The following GSE1 variants were observed in gnomAD, a reference collection of about 807,000 sequenced individuals.
The protein encoded by GSE1 is Gse1 coiled-coil protein.
A neutral mutation model predicts 112.6 loss-of-function variants in GSE1; 32 were observed. The observed-to-expected ratio is 0.28, with a 90% CI of 0.21 to 0.38. GSE1 has a LOEUF of 0.38. Among genes scored for constraint, GSE1 ranks in the 10% least tolerant of loss-of-function variants. The pLI is 1.00. For missense variants in GSE1, 2,348 were observed against 1,699.2 expected (o/e 1.38, Z -6.71); for synonymous variants, 1,115 against 735.6 (o/e 1.52, Z -8.35).
intron 12 of GSE1, among the ~76,000 whole-genome samples, chr16:85,665,681 T>G (rs1475915200): frequency 6.6e-6 from 1 of 152,236 alleles, no homozygotes; most frequent in East Asian, 1.9e-4. Context: ...CACACTCTCT[T>G]GTCCGGTTGG....
At chr16:85,285,682 C>CA (rs36070534) in intron 1 of GSE1, 4,221 of 69,436 alleles carry the variant, frequency 0.061, 89 homozygotes, top group Middle Eastern at 0.088. Flanking sequence ...AACTCTGTCT[C>CA]AAAAAAAAAA....
intron 13 of GSE1, 90 bp from the exon 14 acceptor site, chr16:85,668,050 T>C (rs2053022022): frequency 3.0e-6 from 3 of 998,064 alleles, no homozygotes; most frequent in South Asian, 1.6e-5. Context: ...ATGTTGACTC[T>C]GCACCAAGGG....
chr16:85,169,965 C>T (rs1323747816), exon 1 of GSE1: 6 of 984,490 alleles, frequency 6.1e-6, no homozygotes, highest in Middle Eastern at 5.2e-4. Context: ...TGGGCAGCGC[C>T]ACCGGCGACG....
In GSE1 at chr16:85,617,523, G is replaced by A. The variant is rs556865750; in HGVS notation, c.7+4125G>A. Among the ~76,000 whole-genome samples the A allele has an allele frequency of 2.0e-3, 309 of 151,200 alleles. 6 individuals are homozygous for A. The highest frequency in any genetic ancestry group is 3.8e-3 in the Non-Finnish European group (261 of 67,832). On this transcript the variant is annotated intron_variant, in intron 1 of 15. Transcript: ENST00000253458. Reference sequence around the variant, plus strand: ...CTGGGGAGCTTTAAAAGCTCCCAGTGTCCAGGCTGTACTGCCAGGCAGTTC... The same window carrying A: ...CTGGGGAGCTTTAAAAGCTCCCAGTATCCAGGCTGTACTGCCAGGCAGTTC...
intron 1 of GSE1, among the ~76,000 whole-genome samples, chr16:85,620,932 G>C (rs770022840): frequency 2.0e-5 from 3 of 151,528 alleles, no homozygotes; most frequent in Non-Finnish European, 2.9e-5. Context: ...CGTGTAGATG[G>C]TCTCGGCCAT....
intron 1 of GSE1, among the ~76,000 whole-genome samples, chr16:85,615,196 C>T (rs2048296507): frequency 6.6e-6 from 1 of 152,226 alleles, no homozygotes; most frequent in Admixed American, 6.5e-5. Flanking sequence ...CTGTGCCTGA[C>T]TCAGCCGCCA....
intron 1 of GSE1, among the ~76,000 whole-genome samples, chr16:85,254,038 A>G (rs929265910): frequency 6.6e-6 from 1 of 152,142 alleles, no homozygotes; most frequent in African/African-American, 2.4e-5. Flanking sequence ...CATCTGGAGA[A>G]GGATGGGGAC....
intron 1 of GSE1, among the ~76,000 whole-genome samples, chr16:85,632,606 C>G (rs1049694604): frequency 1.3e-5 from 2 of 152,204 alleles, no homozygotes; most frequent in African/African-American, 4.8e-5. Context: ...GTCAATGTCA[C>G]TTAGAATCTG....
At chr16:85,640,534 G>A (rs569678874) in intron 2 of GSE1, among the ~76,000 whole-genome samples, 4 of 152,348 alleles carry the variant, frequency 2.6e-5, no homozygotes, top group Admixed American at 2.0e-4. Flanking sequence ...AGGCAGATCC[G>A]GTTACTGTCC....
At chr16:85,627,453 G>A (rs538390162) in intron 1 of GSE1, among the ~76,000 whole-genome samples, 10 of 151,964 alleles carry the variant, frequency 6.6e-5, no homozygotes, top group East Asian at 3.9e-4. Flanking sequence ...GCCCAGGGCC[G>A]AGGGGCCTTT....
Position 85,661,178 on chromosome 16 carries a change from G to A in GSE1, c.1673G>A (p.Arg558His), listed in dbSNP as rs138549753. Residue 558 changes from arginine to histidine, a missense_variant, in exon 9 of 16, where the codon CGT becomes CAT. Transcript: ENST00000253458. The part of the protein sequence containing the change: ...PGPNRHEPGG[R>H]DPPQHFGGPP... ...CCAAACCGTCACGAGCCAGGTGGCCGTGACCCTCCGCAGCACTTTGGGGGG... is the reference window on the plus strand; with the variant it reads ...CCAAACCGTCACGAGCCAGGTGGCCATGACCCTCCGCAGCACTTTGGGGGG... 168 of 1,596,964 alleles carry A rather than the reference G, an allele frequency of 1.1e-4. 1 individual carries two copies. The African/African-American group carries it at 1.8e-3, about 17-fold the overall frequency.
chr16:85,611,575 C>T (rs1453967597), upstream of GSE1: 3 of 734,794 alleles, frequency 4.1e-6, no homozygotes, highest in East Asian at 2.6e-4. Flanking sequence ...CGGTCCGTTT[C>T]CCTTTTCGTT....
chr16:85,543,754 G>A (rs2044605456), intron 2 of GSE1, among the ~76,000 whole-genome samples: 1 of 152,216 alleles, frequency 6.6e-6, no homozygotes, highest in African/African-American at 2.4e-5. Flanking sequence ...GTGTCACCCA[G>A]CGTGCTGGCT....
chr16:85,503,405 A>C (rs575721309), intron 2 of GSE1, among the ~76,000 whole-genome samples: 1 of 152,178 alleles, frequency 6.6e-6, no homozygotes, highest in South Asian at 2.1e-4. Flanking sequence ...CCTCCTCCTC[A>C]CAAATCATGA....
At chr16:85,537,619 G>A (rs898010703) in intron 2 of GSE1, among the ~76,000 whole-genome samples, 8 of 152,204 alleles carry the variant, frequency 5.3e-5, no homozygotes, top group Non-Finnish European at 1.2e-4. Flanking sequence ...TCCCCATGTG[G>A]ATTCGTGCCC....
intron 1 of GSE1, among the ~76,000 whole-genome samples, chr16:85,601,591 A>G (rs61588416): frequency 0.015 from 2,296 of 152,274 alleles, 62 homozygotes; most frequent in African/African-American, 0.052. Flanking sequence ...GACACCCAGA[A>G]GGGCCACAGG....
At chr16:85,170,115 G>A in exon 1 of GSE1, 1 of 985,304 alleles carries the variant, frequency 1.0e-6, no homozygotes, top group Non-Finnish European at 1.2e-6. Flanking sequence ...GCCCCCACCA[G>A]GACGGGGCCC....
upstream of GSE1, among the ~76,000 whole-genome samples, chr16:85,610,682 C>T (rs1360974050): frequency 5.3e-5 from 8 of 152,282 alleles, no homozygotes; most frequent in East Asian, 1.9e-4. Context: ...TCGCTGCTGC[C>T]CCCCGGCGGT....
At chr16:85,437,085 A>C in intron 2 of GSE1, among the ~76,000 whole-genome samples, 1 of 152,184 alleles carries the variant, frequency 6.6e-6, no homozygotes, top group East Asian at 1.9e-4. Flanking sequence ...GGCCGGTCTC[A>C]CAAGCTACCA....
Sources: allele counts gnomAD v4.1 joint callset (sites outside exome capture counted in the v4.1 genomes callset), GRCh38; gene constraint gnomAD v4.1.1; transcripts MANE v1.5; gene names NCBI Gene and HGNC (gene_info 2026-07-23, HGNC 2026-07-21).